The following NEGR1 variants were observed in gnomAD, a reference collection of about 807,000 sequenced individuals.
NEGR1 encodes IgLON family member 4.
In NEGR1, 10 loss-of-function variants were observed where a neutral mutation model predicts 40.9. The ratio of observed to expected loss-of-function variants is 0.24; its 90% CI spans 0.15 to 0.42. The LOEUF (loss-of-function observed/expected upper bound fraction) is 0.42, where lower values mean the gene tolerates loss of function less well. NEGR1 is among the 10% of genes least tolerant of loss of function. The pLI, the probability that NEGR1 is intolerant of heterozygous loss-of-function variation, is 1.00. For synonymous variants in NEGR1, 185 were observed against 166.8 expected (o/e 1.11, Z -0.84); for missense variants, 352 against 438.9 (o/e 0.80, Z 1.77).
chr1:71,662,731 G>A (rs985485010), intron 4 of NEGR1, among the ~76,000 whole-genome samples: 114 of 151,246 alleles, frequency 7.5e-4, no homozygotes, highest in African/African-American at 2.7e-3. Context: ...AATACACACG[G>A]AAAACATTTC....
intron 1 of NEGR1, among the ~76,000 whole-genome samples, chr1:72,219,868 C>T (rs865822344): frequency 6.6e-6 from 1 of 151,998 alleles, no homozygotes; most frequent in Non-Finnish European, 1.5e-5. Flanking sequence ...TAGTTTGCAA[C>T]AAGTTATTTA....
intron 2 of NEGR1, among the ~76,000 whole-genome samples, chr1:71,874,171 T>A (rs1390879475): frequency 6.6e-6 from 1 of 152,142 alleles, no homozygotes; most frequent in Non-Finnish European, 1.5e-5. Context: ...TATTTAGAAT[T>A]AAATTGGAAG....
In NEGR1 at chr1:71,886,756, C is replaced by T. The variant is rs181002831; in HGVS notation, c.409+48323G>A. ...TGAGAACTGTTCATTACCTTTTTTACGTGTATTCCATTTACTGGTTTTCTG... is the reference window on the plus strand; with the variant it reads ...TGAGAACTGTTCATTACCTTTTTTATGTGTATTCCATTTACTGGTTTTCTG... On this transcript the variant is annotated intron_variant, in intron 2 of 6. Coordinates refer to ENST00000357731, the MANE Select transcript of NEGR1 (RefSeq NM_173808.3). Among the ~76,000 whole-genome samples the T allele has an allele frequency of 1.3e-4, 20 of 152,106 alleles. No homozygotes were observed. In the East Asian group the frequency reaches 3.3e-3, roughly 25 times the overall value.
chr1:71,849,719 ACC>A (rs1219986677), intron 2 of NEGR1, among the ~76,000 whole-genome samples: 8 of 152,146 alleles, frequency 5.3e-5, no homozygotes, highest in Non-Finnish European at 8.8e-5. Context: ...TGCCACAGTC[ACC>A]CCAACCTTCA....
chr1:72,071,280 C>T (rs115706314), intron 1 of NEGR1, among the ~76,000 whole-genome samples: 3,810 of 151,800 alleles, frequency 0.025, 149 homozygotes, highest in African/African-American at 0.087. Context: ...ATCCAGTGAA[C>T]AGCAAGAAAA....
chr1:71,658,680 A>T (rs1159231047), intron 4 of NEGR1, among the ~76,000 whole-genome samples: 1 of 152,222 alleles, frequency 6.6e-6, no homozygotes, highest in Non-Finnish European at 1.5e-5. Flanking sequence ...GACAATTAGA[A>T]AAGGGTACAA....
intron 1 of NEGR1, among the ~76,000 whole-genome samples, chr1:72,209,600 A>T (rs960281954): frequency 1.3e-5 from 2 of 151,890 alleles, no homozygotes; most frequent in African/African-American, 4.8e-5. Flanking sequence ...AAATTTCGAC[A>T]ATTTTTATTT....
intron 2 of NEGR1, among the ~76,000 whole-genome samples, chr1:71,802,658 G>A (rs1434013894): frequency 6.6e-6 from 1 of 152,142 alleles, no homozygotes; most frequent in Non-Finnish European, 1.5e-5. Context: ...AGAGCATCTG[G>A]CCAAAGAGGA....
At chr1:71,737,900 C>T (rs767664747) in intron 3 of NEGR1, among the ~76,000 whole-genome samples, 5 of 152,224 alleles carry the variant, frequency 3.3e-5, no homozygotes, top group East Asian at 1.9e-4. Context: ...TTAGTCCTCA[C>T]GGGTGGCAGG....
At chr1:71,891,558 G>A (rs1427677443) in intron 2 of NEGR1, among the ~76,000 whole-genome samples, 6 of 10,916 alleles carry the variant, frequency 5.5e-4, no homozygotes, top group South Asian at 6.0e-3. Context: ...AACAGGCTCT[G>A]AAATTGTGGC....
intron 6 of NEGR1, among the ~76,000 whole-genome samples, chr1:71,482,344 CA>C (rs986614176): frequency 6.6e-6 from 1 of 151,268 alleles, no homozygotes; most frequent in African/African-American, 2.4e-5. Flanking sequence ...ACATAGCAGG[CA>C]AAAAAAGCAC....
intron 1 of NEGR1, among the ~76,000 whole-genome samples, chr1:72,057,581 C>A (rs114854452): frequency 3.6e-3 from 548 of 151,614 alleles, no homozygotes; most frequent in African/African-American, 0.012. Flanking sequence ...AGACATCTTT[C>A]TCAGTTCTAC....
intron 1 of NEGR1, among the ~76,000 whole-genome samples, chr1:71,954,686 CT>C (rs1646104350): frequency 6.6e-6 from 1 of 151,990 alleles, no homozygotes; most frequent in Admixed American, 6.6e-5. Flanking sequence ...ATCATTATTT[CT>C]AATGATCAAT....
At chr1:71,774,816 A>C (rs1490281848) in intron 3 of NEGR1, among the ~76,000 whole-genome samples, 2 of 152,176 alleles carry the variant, frequency 1.3e-5, no homozygotes. Context: ...ATTTCACACA[A>C]CTTGATAATT....
chr1:71,903,843 AT>A (rs1484284100), intron 2 of NEGR1, among the ~76,000 whole-genome samples: 2 of 151,652 alleles, frequency 1.3e-5, no homozygotes, highest in African/African-American at 4.8e-5. Flanking sequence ...TATATAAAAA[AT>A]GATGTATTTT....
intron 2 of NEGR1, among the ~76,000 whole-genome samples, chr1:71,905,239 C>T (rs1375222988): frequency 6.6e-6 from 1 of 151,828 alleles, no homozygotes; most frequent in Admixed American, 6.6e-5. Flanking sequence ...TCTTTAACAG[C>T]TATGCATAGA....
intron 1 of NEGR1, among the ~76,000 whole-genome samples, chr1:72,259,937 T>A (rs1655402005): frequency 6.6e-6 from 1 of 152,124 alleles, no homozygotes; most frequent in African/African-American, 2.4e-5. Context: ...TTTTATCAGA[T>A]GATTTTTGTT....
intron 2 of NEGR1, among the ~76,000 whole-genome samples, chr1:71,930,523 A>G (rs1490623768): frequency 6.6e-6 from 1 of 152,036 alleles, no homozygotes; most frequent in Non-Finnish European, 1.5e-5. Context: ...TGTTCTTCCT[A>G]TCTATCTTGG....
intron 6 of NEGR1, among the ~76,000 whole-genome samples, chr1:71,427,238 T>C (rs2101288197): frequency 6.6e-6 from 1 of 152,348 alleles, no homozygotes; most frequent in Admixed American, 6.5e-5. Flanking sequence ...GACTGTAATG[T>C]GCTCTGCCTG....
Sources: gnomAD v4.1 joint callset for allele counts (sites outside exome capture counted in the v4.1 genomes callset) on GRCh38, gnomAD v4.1.1 for gene constraint, MANE v1.5 for transcripts, NCBI Gene and HGNC (gene_info 2026-07-23, HGNC 2026-07-21) for gene names.